The following IARS1 variants were observed in gnomAD, a reference collection of about 807,000 sequenced individuals.
IARS1 encodes isoleucine--tRNA ligase, cytoplasmic.
In IARS1, 124 loss-of-function variants were observed where a neutral mutation model predicts 168.2. That is an observed-to-expected ratio of 0.74 (90% CI 0.64 to 0.86). IARS1 has a LOEUF of 0.86. Ranked by LOEUF, IARS1 falls within the 40% of genes least tolerant of loss-of-function variation. The pLI, the probability that IARS1 is intolerant of heterozygous loss-of-function variation, is 0.00. For missense variants in IARS1, 1,452 were observed against 1,515.8 expected (o/e 0.96, Z 0.70); for synonymous variants, 532 against 529.4 (o/e 1.00, Z -0.07).
At chr9:92,238,545 T>G (rs1383525198) in intron 30 of IARS1, among the ~76,000 whole-genome samples, 2 of 152,340 alleles carry the variant, frequency 1.3e-5, no homozygotes, top group African/African-American at 4.8e-5. Context: ...AAGCAGATGC[T>G]TGTGCCGTGC....
chr9:92,213,039 C>T (rs1240819793), intron 33 of IARS1, among the ~76,000 whole-genome samples: 2 of 151,876 alleles, frequency 1.3e-5, no homozygotes, highest in Admixed American at 1.3e-4. Flanking sequence ...AAAATAAACC[C>T]AGGGAGGGAA....
At chr9:92,288,357 T>C (rs1835788658) in intron 2 of IARS1, 75 bp from the exon 3 acceptor site, 2 of 1,261,876 alleles carry the variant, frequency 1.6e-6, no homozygotes, top group East Asian at 2.4e-5. Flanking sequence ...AGATAGCTCT[T>C]GTCATAGTGG....
chr9:92,224,028 T>C (rs995231822), intron 31 of IARS1, among the ~76,000 whole-genome samples: 2 of 152,074 alleles, frequency 1.3e-5, no homozygotes, highest in African/African-American at 4.8e-5. Flanking sequence ...TGAGTGGAAA[T>C]GGTAGGTATG....
intron 33 of IARS1, among the ~76,000 whole-genome samples, chr9:92,218,392 C>A (rs1839106901): frequency 7.7e-6 from 1 of 129,096 alleles, no homozygotes; most frequent in Non-Finnish European, 1.6e-5. Flanking sequence ...TCTCACCACT[C>A]CTATTCAACA....
intron 26 of IARS1, among the ~76,000 whole-genome samples, chr9:92,246,926 C>T (rs143516035): frequency 1.3e-5 from 2 of 152,312 alleles, no homozygotes; most frequent in Non-Finnish European, 2.9e-5. Context: ...GGTGCAGTGG[C>T]ACACACCTGT....
At chr9:92,273,410 C>G (rs1833366991) in intron 10 of IARS1, among the ~76,000 whole-genome samples, 1 of 152,068 alleles carries the variant, frequency 6.6e-6, no homozygotes, top group Non-Finnish European at 1.5e-5. Flanking sequence ...GCTAGAATTA[C>G]TTAGACACGA....
At chr9:92,258,380 G>A (rs1831029225) in intron 19 of IARS1, among the ~76,000 whole-genome samples, 1 of 152,154 alleles carries the variant, frequency 6.6e-6, no homozygotes, top group Non-Finnish European at 1.5e-5. Flanking sequence ...GATCACCTGA[G>A]GTCTGGAGTT....
At chr9:92,288,055 C>CATA (rs1169926261) in intron 3 of IARS1, 71 bp downstream of exon 3, 10 of 1,533,960 alleles carry the variant, frequency 6.5e-6, no homozygotes, top group African/African-American at 1.4e-5. Flanking sequence ...CATACTTGAA[C>CATA]ATATTATATG....
chr9:92,223,941 C>T (rs1341924079), intron 31 of IARS1, among the ~76,000 whole-genome samples: 1 of 152,178 alleles, frequency 6.6e-6, no homozygotes, highest in Admixed American at 6.6e-5. Context: ...TTAAACGTTG[C>T]TTGGGGATGC....
chr9:92,253,725 A>G, intron 20 of IARS1: 1 of 514,696 alleles, frequency 1.9e-6, no homozygotes, highest in Non-Finnish European at 3.7e-6. Context: ...CAAAAACTCC[A>G]GTATGTGTGG....
chr9:92,220,574 G>A (rs1010267471), intron 33 of IARS1, among the ~76,000 whole-genome samples: 15 of 152,168 alleles, frequency 9.9e-5, no homozygotes, highest in Admixed American at 8.5e-4. Flanking sequence ...CTGGGATATC[G>A]TGCCACTGCA....
chr9:92,291,391 T>TGATTCAAGTTATC (rs1836309685), intron 1 of IARS1, among the ~76,000 whole-genome samples: 1 of 152,198 alleles, frequency 6.6e-6, no homozygotes, highest in Admixed American at 6.5e-5. Flanking sequence ...ATCAAGTTAT[T>TGATTCAAGTTATC]GATTCAAGTT....
chr9:92,284,949 C>T (rs1835200612), intron 6 of IARS1, among the ~76,000 whole-genome samples: 1 of 152,070 alleles, frequency 6.6e-6, no homozygotes, highest in African/African-American at 2.4e-5. Context: ...ATCATCATAC[C>T]TGCCTTACAA....
rs747903367 is a variant in IARS1, at chr9:92,223,503, C to T, written c.3410-14G>A. ...GGTTTTGTATTTCTAAAAATAACAACAACAATTCTTTCAGGGTTAACGAAC... is the reference window on the plus strand; with the variant it reads ...GGTTTTGTATTTCTAAAAATAACAATAACAATTCTTTCAGGGTTAACGAAC... On this transcript the variant is annotated splice_polypyrimidine_tract_variant and intron_variant, in intron 31 of 33. Coordinates refer to ENST00000443024, the MANE Select transcript of IARS1 (RefSeq NM_002161.6). The T allele has an allele frequency of 6.2e-7, 1 of 1,604,020 alleles. No homozygotes were observed. Among genetic ancestry groups the T allele is most frequent in the Middle Eastern group, 1.7e-4 (1 of 5,874 alleles).
chr9:92,211,295 C>G (rs889128746), intron 33 of IARS1, among the ~76,000 whole-genome samples: 3 of 152,152 alleles, frequency 2.0e-5, no homozygotes, highest in Admixed American at 6.5e-5. Flanking sequence ...AATATAGTCT[C>G]TGTGTTGTCA....
chr9:92,288,080 T>G (rs1288296096), intron 3 of IARS1, 46 bp downstream of exon 3: 1 of 1,580,628 alleles, frequency 6.3e-7, no homozygotes, highest in South Asian at 1.2e-5. Flanking sequence ...AATCTAATGC[T>G]TATAAAAAAA....
chr9:92,236,516 T>A (rs1026185570), intron 30 of IARS1, among the ~76,000 whole-genome samples: 2 of 152,182 alleles, frequency 1.3e-5, no homozygotes, highest in Non-Finnish European at 2.9e-5. Context: ...CTGTTTGATA[T>A]TGTGTGAGTT....
rs1828533909 is a variant in IARS1, at chr9:92,242,232, T to C, written c.3099A>G (p.Ile1033Met). 5 of 1,614,008 alleles carry C rather than the reference T, an allele frequency of 3.1e-6. No homozygotes were observed. The East Asian group carries it at 8.9e-5, about 29-fold the overall frequency. The change falls in exon 29 of 34, where the codon ATA becomes ATG. Residue 1033 changes from isoleucine to methionine, a missense_variant. By Grantham distance (10) the Ile-to-Met change is conservative (BLOSUM62 1). Transcript: ENST00000443024. Reference protein sequence around the residue: ...NSVIESHTEFIFTTIKAPLKP... With the variant: ...NSVIESHTEFMFTTIKAPLKP... Reference sequence around the variant, plus strand: ...TCAAGGGAGCCTTTATGGTGGTAAATATGAACTCTGTGTGGCTTTCAATAA... The same window carrying C: ...TCAAGGGAGCCTTTATGGTGGTAAACATGAACTCTGTGTGGCTTTCAATAA...
At chr9:92,218,155 C>T (rs1839058501) in intron 33 of IARS1, among the ~76,000 whole-genome samples, 2 of 151,424 alleles carry the variant, frequency 1.3e-5, no homozygotes, top group African/African-American at 2.4e-5. Flanking sequence ...AGCATATAAA[C>T]AGAGCCAAAG....
Sources: gnomAD v4.1 joint callset for allele counts (sites outside exome capture counted in the v4.1 genomes callset) on GRCh38, gnomAD v4.1.1 for gene constraint, MANE v1.5 for transcripts, NCBI Gene and HGNC (gene_info 2026-07-23, HGNC 2026-07-21) for gene names.